The following ZFHX4 variants were observed in gnomAD, a reference collection of about 807,000 sequenced individuals.
The protein encoded by ZFHX4 is zinc finger homeobox protein 4.
ZFHX4 carries 56 observed loss-of-function variants against 267.6 expected under a neutral mutation model. The observed-to-expected ratio is 0.21, with a 90% CI of 0.17 to 0.26. The LOEUF is 0.26. Ranked by LOEUF, ZFHX4 falls within the 10% of genes least tolerant of loss-of-function variation. The probability of loss-of-function intolerance (pLI) is 1.00; values close to 1 mark genes in which losing one functional copy is unlikely to be tolerated. For synonymous variants in ZFHX4, 1,778 were observed against 1,665.6 expected, an observed-to-expected ratio of 1.07 and a Z score of -1.64; for missense variants, 4,332 against 4,420.0, an observed-to-expected ratio of 0.98 and a Z score of 0.56.
chr8:76,741,132 A>G (rs992734799), intron 3 of ZFHX4, among the ~76,000 whole-genome samples: 2 of 152,154 alleles, frequency 1.3e-5, no homozygotes, highest in Non-Finnish European at 2.9e-5. Context: ...AAACTAAGGA[A>G]AACCTGCTAG....
At chr8:76,696,806 T>A (rs531563505) in intron 1 of ZFHX4, among the ~76,000 whole-genome samples, 4 of 152,164 alleles carry the variant, frequency 2.6e-5, no homozygotes, top group African/African-American at 9.6e-5. Context: ...ATGTGGTTTT[T>A]AATATAAAGT....
In ZFHX4 at chr8:76,864,076, G is replaced by A. The variant is rs774595398; in HGVS notation, c.10362G>A (p.Val3454=). ...VSKYQCLACD[V]AISGNEALSQ... The stretch of plus-strand genomic sequence containing the variant: ...AATATCAGTGTCTTGCCTGTGATGT[G>A]GCTATCAGTGGGAATGAAGCACTTA... The change falls in exon 11 of 11, where the codon GTG becomes GTA. Residue 3454 remains valine, a synonymous_variant. Coordinates refer to ENST00000651372, the MANE Select transcript of ZFHX4 (RefSeq NM_024721.5). 3 of 1,613,786 alleles carry A rather than the reference G, an allele frequency of 1.9e-6. No homozygotes were observed. Among genetic ancestry groups the A allele is most frequent in the Non-Finnish European group, 2.5e-6 (3 of 1,179,850 alleles).
At chr8:76,821,301 A>C (rs1430682013) in intron 4 of ZFHX4, among the ~76,000 whole-genome samples, 1 of 152,138 alleles carries the variant, frequency 6.6e-6, no homozygotes, top group Non-Finnish European at 1.5e-5. Context: ...TTTTTACAGC[A>C]GACACTTCTG....
chr8:76,847,834 C>T (rs7841393), intron 6 of ZFHX4, among the ~76,000 whole-genome samples: 49,743 of 151,520 alleles, frequency 0.33, 13,140 homozygotes, highest in African/African-American at 0.71. Flanking sequence ...TTTGTTCATT[C>T]ATATGAACCG....
intron 5 of ZFHX4, among the ~76,000 whole-genome samples, chr8:76,839,673 T>C (rs559362018): frequency 6.6e-6 from 1 of 152,346 alleles, no homozygotes; most frequent in East Asian, 1.9e-4. Context: ...AAGAGGCTTA[T>C]TGATGAAAAT....
rs751390815 is a variant in ZFHX4 at position 76,707,738 on chromosome 8, G to A, written c.2783G>A (p.Arg928His). The A allele has an allele frequency of 7.4e-6, 12 of 1,613,762 alleles. No individual in the cohort carries two copies. The highest frequency in any genetic ancestry group is 3.3e-5 in the South Asian group (3 of 91,056). ...EALSVHVSSE[R>H]SLPEEEWRAV... Reference sequence around the variant, plus strand: ...CTAAGTGTGCATGTGAGCAGTGAGCGCTCTCTCCCTGAAGAGGAATGGAGG... The same window carrying A: ...CTAAGTGTGCATGTGAGCAGTGAGCACTCTCTCCCTGAAGAGGAATGGAGG... Residue 928 changes from arginine to histidine, a missense_variant, in exon 3 of 11, where the codon CGC (arginine) becomes CAC (histidine). By Grantham distance (29) the Arg-to-His change is conservative. Transcript: ENST00000651372.
intron 3 of ZFHX4, among the ~76,000 whole-genome samples, chr8:76,730,561 T>C (rs1808981822): frequency 2.6e-5 from 4 of 152,092 alleles, no homozygotes; most frequent in Admixed American, 2.6e-4. Context: ...TAGCCGGGCA[T>C]GGTGATGGGC....
At chr8:76,736,082 G>A (rs1165962761) in intron 3 of ZFHX4, among the ~76,000 whole-genome samples, 2 of 151,746 alleles carry the variant, frequency 1.3e-5, no homozygotes, top group Non-Finnish European at 2.9e-5. Flanking sequence ...AAAGCAAGAT[G>A]CCATTAAAAT....
chr8:76,717,360 A>G (rs1585877923), intron 3 of ZFHX4, among the ~76,000 whole-genome samples: 1 of 152,150 alleles, frequency 6.6e-6, no homozygotes, highest in South Asian at 2.1e-4. Flanking sequence ...TGATAGAACT[A>G]CTTGTATTAA....
chr8:76,761,430 A>C (rs147079209), intron 3 of ZFHX4, among the ~76,000 whole-genome samples: 229 of 152,304 alleles, frequency 1.5e-3, no homozygotes, highest in African/African-American at 5.2e-3. Flanking sequence ...GCTTCATTAC[A>C]TGTAGTGGCC....
rs530311274 is a variant in ZFHX4, at chr8:76,732,319, T to C, written c.3093+24271T>C. 5.3e-5 allele frequency among the ~76,000 whole-genome samples: 8 copies of C among 152,286 alleles called. No individual in the cohort carries two copies. The South Asian group carries it at 1.7e-3, about 32-fold the overall frequency. The stretch of plus-strand genomic sequence containing the variant: ...CATATTCAGGTAAAAGTAACTATTT[T>C]TCAAAATTGCTTGACTTTTTAGAAG... On this transcript the variant is annotated intron_variant, in intron 3 of 10. Transcript: ENST00000651372.
intron 1 of ZFHX4, chr8:76,693,262 C>G (rs1021244913): frequency 6.6e-6 from 1 of 152,052 alleles, no homozygotes; most frequent in African/African-American, 2.4e-5. Context: ...TCTGCCTTTC[C>G]TCTTGAAATC....
chr8:76,859,078 A>G (rs911032540), intron 10 of ZFHX4, among the ~76,000 whole-genome samples: 1 of 152,196 alleles, frequency 6.6e-6, no homozygotes, highest in Non-Finnish European at 1.5e-5. Flanking sequence ...CGGTTTTAGT[A>G]TTTATCAACT....
At chr8:76,728,497 A>C (rs961266214) in intron 3 of ZFHX4, among the ~76,000 whole-genome samples, 1 of 152,226 alleles carries the variant, frequency 6.6e-6, no homozygotes, top group Non-Finnish European at 1.5e-5. Flanking sequence ...AAGAGGCAGG[A>C]AATCAGTGAG....
At chr8:76,797,338 A>G (rs1811005485) in intron 4 of ZFHX4, among the ~76,000 whole-genome samples, 1 of 152,230 alleles carries the variant, frequency 6.6e-6, no homozygotes, top group Non-Finnish European at 1.5e-5. Flanking sequence ...TGATAAACCT[A>G]AAAAGAGATT....
At chr8:76,792,095 T>C (rs1453302039) in intron 4 of ZFHX4, among the ~76,000 whole-genome samples, 1 of 152,184 alleles carries the variant, frequency 6.6e-6, no homozygotes, top group Non-Finnish European at 1.5e-5. Context: ...ATCTGGAAGT[T>C]ACAAATACTT....
intron 1 of ZFHX4, among the ~76,000 whole-genome samples, chr8:76,692,252 G>T (rs1807844648): frequency 6.6e-6 from 1 of 152,134 alleles, no homozygotes. Context: ...TACAATAATA[G>T]AAATGACCAT....
At chr8:76,704,008 T>C in intron 1 of ZFHX4, 35 bp from the exon 2 acceptor site, 13 of 1,349,296 alleles carry the variant, frequency 9.6e-6, no homozygotes, top group Non-Finnish European at 1.3e-5. Context: ...CATTATTTAA[T>C]AAAAATGGCT....
chr8:76,796,514 A>G (rs1207269188), intron 4 of ZFHX4, among the ~76,000 whole-genome samples: 1 of 152,160 alleles, frequency 6.6e-6, no homozygotes, highest in Non-Finnish European at 1.5e-5. Context: ...GTATGCCAAG[A>G]TTCATCTTGT....
Sources: gnomAD v4.1 joint callset for allele counts (sites outside exome capture counted in the v4.1 genomes callset) on GRCh38, gnomAD v4.1.1 for gene constraint, MANE v1.5 for transcripts, NCBI Gene and HGNC (gene_info 2026-07-23, HGNC 2026-07-21) for gene names.